PNKD: variants seen among roughly 807,000 people sequenced by gnomAD.
PNKD encodes the protein probable thioesterase PNKD.
A neutral mutation model predicts 45.3 loss-of-function variants in PNKD; 36 were observed. The observed-to-expected ratio is 0.80, with a 90% CI of 0.61 to 1.05. The LOEUF is 1.05. PNKD is among the 50% of genes least tolerant of loss of function. PNKD has a pLI of 0.00. For synonymous variants in PNKD, 197 were observed against 210.1 expected, an observed-to-expected ratio of 0.94 and a Z score of 0.54; for missense variants, 511 against 506.6, an observed-to-expected ratio of 1.01 and a Z score of -0.08.
At chr2:218,286,670 A>C (rs1289652623) in intron 2 of PNKD, 1 of 152,192 alleles carries the variant, frequency 6.6e-6, no homozygotes, top group Non-Finnish European at 1.5e-5. Context: ...CTGTCTGCCT[A>C]CTGAGGCCCC....
intron 2 of PNKD, among the ~76,000 whole-genome samples, chr2:218,315,513 T>G (rs1693787016): frequency 6.6e-6 from 1 of 152,244 alleles, no homozygotes; most frequent in South Asian, 2.1e-4. Flanking sequence ...TTAGATCTTC[T>G]GTTGCTTTTT....
intron 2 of PNKD, among the ~76,000 whole-genome samples, chr2:218,273,524 A>T (rs536282444): frequency 3.0e-5 from 4 of 134,082 alleles, no homozygotes; most frequent in Non-Finnish European, 6.1e-5. Flanking sequence ...CTTGTTGCCC[A>T]GGCTGGAGTA....
intron 2 of PNKD, among the ~76,000 whole-genome samples, chr2:218,333,694 T>C (rs1322254091): frequency 6.6e-6 from 1 of 152,194 alleles, no homozygotes; most frequent in Non-Finnish European, 1.5e-5. Context: ...ATCTTTCTGT[T>C]GCCAGAGCCT....
At chr2:218,280,077 G>A (rs371918562) in intron 2 of PNKD, 15 of 1,614,108 alleles carry the variant, frequency 9.3e-6, no homozygotes, top group South Asian at 3.3e-5. Flanking sequence ...CTCCAGGCCC[G>A]AAGCTATCAC....
At chr2:218,336,116 G>A (rs1187629732) in intron 2 of PNKD, among the ~76,000 whole-genome samples, 1 of 147,280 alleles carries the variant, frequency 6.8e-6, no homozygotes, top group Non-Finnish European at 1.5e-5. Context: ...TCGGGAGGCT[G>A]AGGCAAGAGA....
intron 2 of PNKD, among the ~76,000 whole-genome samples, chr2:218,322,632 C>A (rs966966503): frequency 6.6e-6 from 1 of 152,204 alleles, no homozygotes; most frequent in Non-Finnish European, 1.5e-5. Flanking sequence ...ATATCATTGC[C>A]CCCTCCTTGA....
Position 218,339,769 on chromosome 2 carries a change from C to T in PNKD, c.237-14C>T, listed in dbSNP as rs1476550768. The stretch of plus-strand genomic sequence containing the variant: ...GAGAAAAGGCTAATCATAGGCCACC[C>T]ACTCGCCCTCTAGGTACAGCCTGTA... On this transcript the variant is annotated splice_polypyrimidine_tract_variant and intron_variant, in intron 2 of 9. Coordinates refer to ENST00000273077, the MANE Select transcript of PNKD (RefSeq NM_015488.5). 2 of 1,553,438 alleles carry T rather than the reference C, an allele frequency of 1.3e-6. No homozygotes were observed. The highest frequency in any genetic ancestry group is 1.7e-5 in the Admixed American group (1 of 59,896).
chr2:218,298,809 C>G (rs1047176042), intron 2 of PNKD, among the ~76,000 whole-genome samples: 13 of 152,136 alleles, frequency 8.5e-5, no homozygotes, highest in African/African-American at 2.9e-4. Context: ...CCATCTTGGG[C>G]TTCATTCTCC....
At chr2:218,314,256 C>T (rs1184558625) in intron 2 of PNKD, among the ~76,000 whole-genome samples, 3 of 110,798 alleles carry the variant, frequency 2.7e-5, no homozygotes, top group African/African-American at 3.6e-5. Flanking sequence ...GACAGAGTCT[C>T]TGTCTCCCAG....
In PNKD at chr2:218,340,001, C is replaced by G. The variant is rs756039296; in HGVS notation, c.353-28C>G. On this transcript the variant is annotated intron_variant, in intron 3 of 9. Transcript: ENST00000273077. The surrounding 1 kb of genome is among the most constrained non-coding windows in gnomAD (Gnocchi z 4.2). ...AGCCCCTGGGCTCCCTGCCTGTTAC[C>G]CCGCCCACAGCCCATCTCTGTCCCC... 1.3e-6 allele frequency: 2 copies of G among 1,549,498 alleles called. No homozygotes were observed. Among genetic ancestry groups the G allele is most frequent in the East Asian group, 4.5e-5 (2 of 44,574 alleles).
chr2:218,312,822 T>C (rs2106262491), intron 2 of PNKD, among the ~76,000 whole-genome samples: 1 of 151,928 alleles, frequency 6.6e-6, no homozygotes, highest in African/African-American at 2.4e-5. Context: ...GTAGTGAGCC[T>C]AGAACTTACC....
At chr2:218,298,061 G>A (rs79223510) in intron 2 of PNKD, among the ~76,000 whole-genome samples, 4,977 of 151,848 alleles carry the variant, frequency 0.033, 265 homozygotes, top group African/African-American at 0.11. Context: ...GACTTCTGGC[G>A]CCTTCCTCAG....
At chr2:218,278,703 A>G in intron 2 of PNKD, 2 of 940,026 alleles carry the variant, frequency 2.1e-6, no homozygotes, top group Middle Eastern at 2.2e-4. Context: ...CAAGAACGAG[A>G]TTACCCCCAG....
chr2:218,271,517 C>T lies in PNKD; in HGVS notation c.204C>T (p.Gly68=), dbSNP rs765261684. Residue 68 remains glycine, a synonymous_variant, in exon 2 of 10, where the codon GGC becomes GGT. Transcript: ENST00000273077. The part of the protein sequence containing the change: ...PELEYIPRKR[G]KNPMKAVGLA... Reference sequence around the variant, plus strand: ...TGGAATACATTCCCAGAAAGAGGGGCAAGAACCCCATGAAAGCTGTGGGAC... The same window carrying T: ...TGGAATACATTCCCAGAAAGAGGGGTAAGAACCCCATGAAAGCTGTGGGAC... 2.5e-6 allele frequency: 4 copies of T among 1,614,068 alleles called. No individual in the cohort carries two copies. In the East Asian group the frequency reaches 8.9e-5, roughly 36 times the overall value.
At chr2:218,272,444 G>T (rs1408241263) in intron 2 of PNKD, 1 of 861,716 alleles carries the variant, frequency 1.2e-6, no homozygotes, top group Non-Finnish European at 1.9e-6. Context: ...CCAGCACAGA[G>T]GATGAATAGA....
rs1235326504 is a variant in PNKD at position 218,271,568 on chromosome 2, T to C, written c.236+19T>C. 13 of 1,608,912 alleles carry C rather than the reference T, an allele frequency of 8.1e-6. No individual in the cohort carries two copies. Among genetic ancestry groups the C allele is most frequent in the Non-Finnish European group, 1.0e-5 (12 of 1,175,822 alleles). ...TGGCCTGGTGAGTTTTAACCACCCC[T>C]TTGCCCACCAACGGGGCGTGGCTTG... is the stretch of plus-strand genomic sequence containing the variant. On this transcript the variant is annotated intron_variant, in intron 2 of 9. Transcript: ENST00000273077.
At chr2:218,313,566 C>T (rs1003012307) in intron 2 of PNKD, among the ~76,000 whole-genome samples, 1 of 152,150 alleles carries the variant, frequency 6.6e-6, no homozygotes, top group African/African-American at 2.4e-5. Flanking sequence ...TTCCACAGAA[C>T]CTAACTTTTG....
At chr2:218,278,124 C>G in intron 2 of PNKD, 2 of 834,578 alleles carry the variant, frequency 2.4e-6, no homozygotes, top group South Asian at 3.2e-5. Flanking sequence ...GGCACCTGTT[C>G]AGGTGTGGTA....
intron 2 of PNKD, chr2:218,282,117 G>A (rs1305569007): frequency 2.0e-6 from 3 of 1,527,746 alleles, no homozygotes; most frequent in East Asian, 2.5e-5. Flanking sequence ...TCTTCATATG[G>A]TGGTGGGGCG....
Sources: allele counts gnomAD v4.1 joint callset (sites outside exome capture counted in the v4.1 genomes callset), GRCh38; gene constraint gnomAD v4.1.1; non-coding constraint Gnocchi (gnomAD v3.1); transcripts MANE v1.5; gene names NCBI Gene and HGNC (gene_info 2026-07-23, HGNC 2026-07-21).